Variants in HMCN1 observed in about 807,000 individuals in gnomAD.
HMCN1 encodes the protein hemicentin 1.
A neutral mutation model predicts 625.9 loss-of-function variants in HMCN1; 321 were observed. That is an observed-to-expected ratio of 0.51 (90% CI 0.47 to 0.56). The LOEUF (loss-of-function observed/expected upper bound fraction) is 0.56. Ranked by LOEUF, HMCN1 falls within the 20% of genes least tolerant of loss-of-function variation. The probability of loss-of-function intolerance (pLI) is 0.00; values close to 1 mark genes in which losing one functional copy is unlikely to be tolerated. For synonymous variants in HMCN1, 2,425 were observed against 2,417.6 expected, an observed-to-expected ratio of 1.00 and a Z score of -0.09; for missense variants, 6,588 against 6,887.3, an observed-to-expected ratio of 0.96 and a Z score of 1.54.
rs1294626258 is a variant in HMCN1, at chr1:186,128,234, G to A, written c.12847G>A (p.Ala4283Thr). 1 of 1,613,494 alleles carries A rather than the reference G, an allele frequency of 6.2e-7. No individual in the cohort carries two copies. Among genetic ancestry groups the A allele is most frequent in the East Asian group, 2.2e-5 (1 of 44,858 alleles). ...AGAACAGCTACGATTAAGCTGTAAA[G>A]CTACTGGTATTCCATTGCCCAAATT... ...KGEQLRLSCKATGIPLPKLTW... is the reference protein window; with the variant it reads ...KGEQLRLSCKTTGIPLPKLTW... Residue 4283 changes from alanine (A) to threonine (T), a missense_variant, in exon 83 of 107, where the codon GCT (alanine) becomes ACT (threonine). This residue lies in a region of HMCN1 where 1,954 missense variants were observed against 2,013.1 expected (regional missense o/e 0.97). Coordinates refer to ENST00000271588, the MANE Select transcript of HMCN1 (RefSeq NM_031935.3).
chr1:185,989,217 G>A (rs372784898), intron 20 of HMCN1, among the ~76,000 whole-genome samples: 1 of 151,710 alleles, frequency 6.6e-6, no homozygotes, highest in African/African-American at 2.4e-5. Flanking sequence ...CCGTGGTCTC[G>A]ATCTCCTGAC....
intron 1 of HMCN1, among the ~76,000 whole-genome samples, chr1:185,834,670 G>C (rs1000204933): frequency 6.6e-6 from 1 of 152,108 alleles, no homozygotes; most frequent in South Asian, 2.1e-4. Context: ...AGGGCATTAC[G>C]TCCAGCCTAT....
intron 4 of HMCN1, among the ~76,000 whole-genome samples, chr1:185,884,362 T>C (rs1356962223): frequency 6.6e-6 from 1 of 152,002 alleles, no homozygotes; most frequent in Non-Finnish European, 1.5e-5. Context: ...AAGCTCCTTA[T>C]GCAGATATCT....
At chr1:186,135,033 T>C (rs1386799032) in intron 86 of HMCN1, among the ~76,000 whole-genome samples, 2 of 152,234 alleles carry the variant, frequency 1.3e-5, no homozygotes, top group African/African-American at 4.8e-5. Flanking sequence ...TGTGTCTTTC[T>C]CTCCAAGTGT....
chr1:186,092,616 T>A (rs1051587719), intron 64 of HMCN1, among the ~76,000 whole-genome samples: 1 of 150,742 alleles, frequency 6.6e-6, no homozygotes, highest in African/African-American at 2.5e-5. Flanking sequence ...CTTTTACTAT[T>A]ATGTAATTCA....
chr1:185,892,627 G>C (rs535531988), intron 4 of HMCN1, among the ~76,000 whole-genome samples: 20 of 152,128 alleles, frequency 1.3e-4, no homozygotes, highest in Non-Finnish European at 5.9e-5. Context: ...CTGCTCGGGG[G>C]TCGGGGGTCA....
chr1:185,810,051 A>T (rs1331167621), intron 1 of HMCN1, among the ~76,000 whole-genome samples: 1 of 152,138 alleles, frequency 6.6e-6, no homozygotes, highest in Non-Finnish European at 1.5e-5. Flanking sequence ...TCTTCTCAGG[A>T]ATTATTGGTA....
intron 1 of HMCN1, among the ~76,000 whole-genome samples, chr1:185,784,059 C>G (rs2102182699): frequency 6.6e-6 from 1 of 152,328 alleles, no homozygotes; most frequent in Non-Finnish European, 1.5e-5. Flanking sequence ...ATGGCGGTCG[C>G]CCCTCCCCCC....
At chr1:185,793,071 T>C (rs1658112401) in intron 1 of HMCN1, among the ~76,000 whole-genome samples, 1 of 152,138 alleles carries the variant, frequency 6.6e-6, no homozygotes, top group African/African-American at 2.4e-5. Flanking sequence ...TGTAGATACA[T>C]TTAGGTTACT....
At position 186,015,422 on chromosome 1, in the gene HMCN1, C is replaced by T; in HGVS notation, c.4894C>T (p.His1632Tyr). The T allele has an allele frequency of 6.2e-7, 1 of 1,613,464 alleles. No individual in the cohort carries two copies. Among genetic ancestry groups the T allele is most frequent in the African/African-American group, 1.3e-5 (1 of 75,008 alleles). Residue 1632 changes from histidine (H) to tyrosine (Y), a missense_variant, in exon 31 of 107, where the codon CAT (histidine) becomes TAT (tyrosine). Physicochemically the swap from His to Tyr is moderately conservative, Grantham distance 83. Coordinates refer to ENST00000271588, the MANE Select transcript of HMCN1 (RefSeq NM_031935.3). ...NVAGTAEKSF[H>Y]VDVYVPPMIE... is the part of the protein sequence containing the mutation. ...TGCTGGAACTGCTGAAAAATCATTC[C>T]ATGTGGATGTCTATGGTGAGGAACA...
intron 2 of HMCN1, among the ~76,000 whole-genome samples, chr1:185,863,521 T>C (rs1663000353): frequency 6.6e-6 from 1 of 152,204 alleles, no homozygotes. Flanking sequence ...ATAGACATAA[T>C]AGAATGTTAT....
chr1:185,993,891 T>C (rs1343134254), intron 23 of HMCN1, among the ~76,000 whole-genome samples: 2 of 152,134 alleles, frequency 1.3e-5, no homozygotes, highest in Non-Finnish European at 2.9e-5. Context: ...GAGATAGGAT[T>C]GATCTGATTT....
intron 1 of HMCN1, among the ~76,000 whole-genome samples, chr1:185,812,557 C>G (rs750399705): frequency 6.6e-6 from 1 of 152,118 alleles, no homozygotes; most frequent in Non-Finnish European, 1.5e-5. Context: ...TAAGTATGAT[C>G]TGCTTCACAT....
intron 97 of HMCN1, among the ~76,000 whole-genome samples, chr1:186,163,332 C>A (rs1046783721): frequency 5.3e-5 from 8 of 152,208 alleles, no homozygotes; most frequent in African/African-American, 1.4e-4. Context: ...TGACTAGGAA[C>A]GGGAACTCCC....
chr1:185,808,473 C>T (rs571917395), intron 1 of HMCN1, among the ~76,000 whole-genome samples: 2 of 152,254 alleles, frequency 1.3e-5, no homozygotes, highest in South Asian at 4.1e-4. Context: ...GAGGTGTGAT[C>T]ATGCTACTGC....
chr1:185,847,482 C>G (rs1480722153), intron 2 of HMCN1, among the ~76,000 whole-genome samples: 2 of 152,186 alleles, frequency 1.3e-5, no homozygotes, highest in African/African-American at 4.8e-5. Flanking sequence ...CTACTCAGAG[C>G]AAGTGACCTC....
intron 106 of HMCN1, among the ~76,000 whole-genome samples, chr1:186,188,446 T>A (rs1044433838): frequency 6.6e-6 from 1 of 152,180 alleles, no homozygotes; most frequent in Non-Finnish European, 1.5e-5. Flanking sequence ...CGGAGATGAG[T>A]GAGGAATGAG....
At chr1:185,994,017 ATT>A (rs1652615442) in intron 23 of HMCN1, among the ~76,000 whole-genome samples, 1 of 152,112 alleles carries the variant, frequency 6.6e-6, no homozygotes, top group African/African-American at 2.4e-5. Flanking sequence ...AACCTTTCTT[ATT>A]TTTAGTTTTC....
Position 185,892,233 on chromosome 1 carries a change from C to T in HMCN1, c.622-17104C>T, listed in dbSNP as rs567105289. The stretch of plus-strand genomic sequence containing the variant: ...TCTTCTAAATTTTTTTTAAAGTTTT[C>T]AACTTCTTTGCCTTCGGTTTGAATG... On this transcript the variant is annotated intron_variant, in intron 4 of 106. Coordinates refer to ENST00000271588, the MANE Select transcript of HMCN1 (RefSeq NM_031935.3). Among the ~76,000 whole-genome samples, 10 of 150,668 alleles carry T rather than the reference C, an allele frequency of 6.6e-5. No homozygotes were observed. In the East Asian group the frequency reaches 1.9e-3, roughly 29 times the overall value.
Sources: allele counts gnomAD v4.1 joint callset (sites outside exome capture counted in the v4.1 genomes callset), GRCh38; gene constraint gnomAD v4.1.1; regional missense constraint gnomAD v4.1.1; transcripts MANE v1.5; gene names NCBI Gene and HGNC (gene_info 2026-07-23, HGNC 2026-07-21).